The following MEGF8 variants were observed in gnomAD, a reference collection of about 807,000 sequenced individuals.
The protein encoded by MEGF8 is multiple epidermal growth factor-like domains protein 8.
A neutral mutation model predicts 302.9 loss-of-function variants in MEGF8; 156 were observed. The observed-to-expected ratio is 0.52, with a 90% CI of 0.45 to 0.59. MEGF8 has a LOEUF of 0.59. MEGF8 is among the 20% of genes least tolerant of loss of function. The pLI is 0.00. For missense variants in MEGF8, 3,345 were observed against 3,964.5 expected (o/e 0.84, Z 4.20); for synonymous variants, 1,621 against 1,660.5 (o/e 0.98, Z 0.58).
intron 8 of MEGF8, among the ~76,000 whole-genome samples, chr19:42,341,929 G>C (rs555222355): frequency 6.6e-6 from 1 of 152,182 alleles, no homozygotes; most frequent in African/African-American, 2.4e-5. Flanking sequence ...CTTCGGGGAC[G>C]TGTGGGCTTC....
intron 8 of MEGF8, among the ~76,000 whole-genome samples, chr19:42,337,843 G>A (rs562039199): frequency 7.3e-5 from 11 of 151,186 alleles, no homozygotes; most frequent in Non-Finnish European, 1.3e-4. Flanking sequence ...TCGCTCCGTC[G>A]CCCGGGCTAG....
rs1284840705 is a variant in MEGF8, at chr19:42,344,498, C to T, written c.1846C>T (p.Leu616=). ...GRLLGDCQAC[L]AFSSPTAPPR... ...CCTCCTGGGTGACTGCCAGGCCTGC[C>T]TGGCCTTCAGCAGCCCCACAGCCCC... Residue 616 remains leucine, a synonymous_variant, in exon 11 of 42, where the codon CTG becomes TTG. Transcript: ENST00000251268. This position sits in a 1 kb window ranked among gnomAD's most constrained non-coding sequence, Gnocchi z 4.5. 3.8e-6 allele frequency: 6 copies of T among 1,598,880 alleles called. No homozygotes were observed. The highest frequency in any genetic ancestry group is 5.1e-6 in the Non-Finnish European group (6 of 1,179,410).
rs772696463 is a variant in MEGF8 at position 42,350,211 on chromosome 19, C to T, written c.2563C>T (p.Leu855=). 2 of 1,613,686 alleles carry T rather than the reference C, an allele frequency of 1.2e-6. No individual in the cohort carries two copies. The highest frequency in any genetic ancestry group is 1.7e-6 in the Non-Finnish European group (2 of 1,179,880). ...GTCCTGCACCTCCTATTCTTCCTGC[C>T]TGGGCTGCTTGGCAGACCAGGGCTG... ...SSSCTSYSSC[L]GCLADQGCGW... is the part of the protein sequence containing the mutation. The change falls in exon 15 of 42, where the codon CTG becomes TTG. Residue 855 remains leucine, a synonymous_variant. Transcript: ENST00000251268.
chr19:42,327,307 GGT>G (rs2038997483), intron 1 of MEGF8, among the ~76,000 whole-genome samples: 1 of 152,186 alleles, frequency 6.6e-6, no homozygotes, highest in Non-Finnish European at 1.5e-5. Context: ...AGCAATCCCT[GGT>G]GACTTAGGTC....
chr19:42,334,082 C>T lies in MEGF8; in HGVS notation c.427C>T (p.Pro143Ser). Residue 143 changes from proline (P) to serine (S), a missense_variant, in exon 3 of 42, where the codon CCG (proline) becomes TCG (serine). Pro to Ser is a moderately conservative substitution (Grantham distance 74, BLOSUM62 -1). Coordinates refer to ENST00000251268, the MANE Select transcript of MEGF8 (RefSeq NM_001271938.2). ...FNASFRFSLC[P>S]GGCQSHGQCQ... ...CGCCTCATTCCGCTTCTCCCTGTGCCCGGGTGGCTGCCAGAGCCACGGGCA... is the reference window on the plus strand; with the variant it reads ...CGCCTCATTCCGCTTCTCCCTGTGCTCGGGTGGCTGCCAGAGCCACGGGCA... 1 of 1,613,654 alleles carries T rather than the reference C, an allele frequency of 6.2e-7. No individual in the cohort carries two copies. Among genetic ancestry groups the T allele is most frequent in the Non-Finnish European group, 8.5e-7 (1 of 1,179,852 alleles).
Position 42,357,401 on chromosome 19 carries a change from C to T in MEGF8, c.4831-3C>T. ...TCGGTGACCTTGCCCCTCCATCCCT[C>T]AGGCCCCCCAGACCGTGGAGCTGCC... On this transcript the variant is annotated splice_region_variant and splice_polypyrimidine_tract_variant and intron_variant, in intron 27 of 41. Coordinates refer to ENST00000251268, the MANE Select transcript of MEGF8 (RefSeq NM_001271938.2). This position sits in a 1 kb window ranked among gnomAD's most constrained non-coding sequence, Gnocchi z 5.2. 2 of 1,612,328 alleles carry T rather than the reference C, an allele frequency of 1.2e-6. No individual in the cohort carries two copies. Among genetic ancestry groups the T allele is most frequent in the African/African-American group, 2.7e-5 (2 of 75,026 alleles).
In MEGF8 at chr19:42,350,285, C is replaced by A. The variant is rs752623938; in HGVS notation, c.2637C>A (p.Ala879=). The A allele has an allele frequency of 1.2e-6, 2 of 1,610,532 alleles. No individual in the cohort carries two copies. Among genetic ancestry groups the A allele is most frequent in the South Asian group, 2.2e-5 (2 of 91,052 alleles). The change falls in exon 15 of 42, where the codon GCC becomes GCA. Residue 879 remains alanine (A), a synonymous_variant. Transcript: ENST00000251268. ...CCTGCCACCTGCGCCAGGGCGGAGC[C>A]CATTGCGGGGATGACGGGGCTGGTG... ...SATCHLRQGG[A]HCGDDGAGGS... is the part of the protein sequence containing the mutation.
Position 42,344,496 on chromosome 19 carries a change from G to C in MEGF8, c.1844G>C (p.Cys615Ser). ...CGCCTCCTGGGTGACTGCCAGGCCT[G>C]CCTGGCCTTCAGCAGCCCCACAGCC... is the stretch of plus-strand genomic sequence containing the variant. ...LGRLLGDCQA[C>S]LAFSSPTAPP... is the part of the protein sequence containing the mutation. The change falls in exon 11 of 42, where the codon TGC becomes TCC. Residue 615 changes from cysteine (C) to serine (S), a missense_variant. By Grantham distance (112) the Cys-to-Ser change is moderately radical. Transcript: ENST00000251268. This position sits in a 1 kb window ranked among gnomAD's most constrained non-coding sequence, Gnocchi z 4.5. The C allele has an allele frequency of 6.3e-7, 1 of 1,598,692 alleles. No individual in the cohort carries two copies. The highest frequency in any genetic ancestry group is 8.5e-7 in the Non-Finnish European group (1 of 1,179,370).
Position 42,363,250 on chromosome 19 carries a change from C to T in MEGF8, c.6261C>T (p.Ser2087=), listed in dbSNP as rs2039558834. The T allele has an allele frequency of 6.3e-7, 1 of 1,595,218 alleles. No individual in the cohort carries two copies. The highest frequency in any genetic ancestry group is 2.3e-5 in the East Asian group (1 of 44,032). Residue 2087 remains serine, a synonymous_variant, in exon 35 of 42, where the codon AGC becomes AGT. Coordinates refer to ENST00000251268, the MANE Select transcript of MEGF8 (RefSeq NM_001271938.2). ...DGGWQHCVWS[S]SLQQCLSPSY... ...GCTGGCAGCACTGTGTTTGGAGCAGCAGCCTGCAGCAGGTACTGCACCTGG... is the reference window on the plus strand; with the variant it reads ...GCTGGCAGCACTGTGTTTGGAGCAGTAGCCTGCAGCAGGTACTGCACCTGG...
chr19:42,360,936 G>A lies in MEGF8; in HGVS notation c.5650G>A (p.Glu1884Lys), dbSNP rs1157522431. 6.2e-7 allele frequency: 1 copy of A among 1,608,690 alleles called. No homozygotes were observed. Among genetic ancestry groups the A allele is most frequent in the South Asian group, 1.1e-5 (1 of 90,652 alleles). ...CCCCTGCCGCCTGCTGTCCTCACCTGAAGCTTGTAACCAGTCTGGGGCCTG... is the reference window on the plus strand; with the variant it reads ...CCCCTGCCGCCTGCTGTCCTCACCTAAAGCTTGTAACCAGTCTGGGGCCTG... ...PDPCRLLSSPEACNQSGACTW... is the reference protein window; with the variant it reads ...PDPCRLLSSPKACNQSGACTW... Residue 1884 changes from glutamate to lysine, a missense_variant, in exon 32 of 42, where the codon GAA becomes AAA. Glu to Lys is a moderately conservative substitution (Grantham distance 56). Coordinates refer to ENST00000251268, the MANE Select transcript of MEGF8 (RefSeq NM_001271938.2).
At position 42,357,026 on chromosome 19, in the gene MEGF8, C is replaced by A. The variant is rs751978019; in HGVS notation, c.4830+45C>A. Reference sequence around the variant, plus strand: ...CCACTCCCCAGCCCTCACACTGGGCCCTGACAGAGACAGCTGTGGTAGCTC... The same window carrying A: ...CCACTCCCCAGCCCTCACACTGGGCACTGACAGAGACAGCTGTGGTAGCTC... On this transcript the variant is annotated intron_variant, in intron 27 of 41. Transcript: ENST00000251268. The surrounding 1 kb of genome is among the most constrained non-coding windows in gnomAD (Gnocchi z 5.2). 2.0e-6 allele frequency: 3 copies of A among 1,503,976 alleles called. No homozygotes were observed. Among genetic ancestry groups the A allele is most frequent in the Non-Finnish European group, 1.8e-6 (2 of 1,115,386 alleles). 93.2% of individuals were successfully genotyped at this position (1,503,976 alleles called of 1,614,324 possible).
rs1199801761 is a variant in MEGF8, at chr19:42,360,345, GT to G, written c.5489-413del. Among the ~76,000 whole-genome samples the G allele has an allele frequency of 3.0e-3, 386 of 127,466 alleles. 1 individual carries two copies. Among genetic ancestry groups the G allele is most frequent in the Middle Eastern group, 8.1e-3 (2 of 248 alleles). 83.6% of individuals were successfully genotyped at this position (127,466 alleles called of 152,430 possible). On this transcript the variant is annotated intron_variant, in intron 31 of 41. Transcript: ENST00000251268. ...CATGTGTTTCCTCTCTGCTTCTGCT[GT>G]TTTTTTTTTTTTTTTTGGAGACATG...
In MEGF8 at chr19:42,352,464, A is replaced by C; in HGVS notation, c.3350+8A>C. 6.3e-7 allele frequency: 1 copy of C among 1,579,636 alleles called. No individual in the cohort carries two copies. Among genetic ancestry groups the C allele is most frequent in the Non-Finnish European group, 8.6e-7 (1 of 1,158,800 alleles). On this transcript the variant is annotated splice_region_variant and intron_variant, in intron 19 of 41. Transcript: ENST00000251268. This position sits in a 1 kb window ranked among gnomAD's most constrained non-coding sequence, Gnocchi z 4.4. ...CTCACACTGCAACCGCACGTGAGTG[A>C]GGCGGGGGTTGCTATGGAGATGTTG...
In MEGF8 at chr19:42,351,627, C is replaced by T. The variant is rs1188105646; in HGVS notation, c.2988-21C>T. On this transcript the variant is annotated intron_variant, in intron 17 of 41. Coordinates refer to ENST00000251268, the MANE Select transcript of MEGF8 (RefSeq NM_001271938.2). The surrounding 1 kb of genome is among the most constrained non-coding windows in gnomAD (Gnocchi z 5.6). ...CCGGCAAGGGGCTGGGGCTCTGACC[C>T]CCACCCCTGCCATCCTGCAGTGTAC... is the stretch of plus-strand genomic sequence containing the variant. 1 of 1,591,684 alleles carries T rather than the reference C, an allele frequency of 6.3e-7. No individual in the cohort carries two copies. Among genetic ancestry groups the T allele is most frequent in the East Asian group, 2.3e-5 (1 of 43,376 alleles).
Position 42,340,962 on chromosome 19 carries a change from C to G in MEGF8, c.1514-2515C>G, listed in dbSNP as rs570326695. 1.8e-3 allele frequency among the ~76,000 whole-genome samples: 267 copies of G among 152,254 alleles called. 2 individuals carry two copies. Among genetic ancestry groups the G allele is most frequent in the African/African-American group, 6.2e-3 (258 of 41,548 alleles). ...GGATTACAGGCATGAGCCACCACGC[C>G]CGGCCTATTGTTACTATTTTAGAGG... On this transcript the variant is annotated intron_variant, in intron 8 of 41. Coordinates refer to ENST00000251268, the MANE Select transcript of MEGF8 (RefSeq NM_001271938.2).
rs1380558638 is a variant in MEGF8, at chr19:42,356,763, C to T, written c.4623-11C>T. 6.5e-7 allele frequency: 1 copy of T among 1,537,818 alleles called. No individual in the cohort carries two copies. ...CTGTAATGAGGCTGCTTTTTTGCAC[C>T]CTGGCCCCAGGTACTCAGTGAGTGA... On this transcript the variant is annotated splice_polypyrimidine_tract_variant and intron_variant, in intron 26 of 41. Transcript: ENST00000251268. This position sits in a 1 kb window ranked among gnomAD's most constrained non-coding sequence, Gnocchi z 5.2.
rs760635447 is a variant in MEGF8 at position 42,336,051 on chromosome 19, C to T, written c.949C>T (p.His317Tyr). 4 of 1,582,606 alleles carry T rather than the reference C, an allele frequency of 2.5e-6. No individual in the cohort carries two copies. The highest frequency in any genetic ancestry group is 3.4e-6 in the Non-Finnish European group (4 of 1,168,286). Reference sequence around the variant, plus strand: ...GGCCTTCAGTCCACTGGGCAGGGGCCACTGGGAGCTCCTGGCACCACCTGC... The same window carrying T: ...GGCCTTCAGTCCACTGGGCAGGGGCTACTGGGAGCTCCTGGCACCACCTGC... ...VWAFSPLGRG[H>Y]WELLAPPASS... Residue 317 changes from histidine (H) to tyrosine (Y), a missense_variant, in exon 6 of 42, where the codon CAC becomes TAC. His to Tyr is a moderately conservative substitution (Grantham distance 83, BLOSUM62 2). Coordinates refer to ENST00000251268, the MANE Select transcript of MEGF8 (RefSeq NM_001271938.2). The surrounding 1 kb of genome is among the most constrained non-coding windows in gnomAD (Gnocchi z 4.8).
intron 23 of MEGF8, 25 bp from the exon 24 acceptor site, chr19:42,355,733 C>T (rs776376503): frequency 6.5e-7 from 1 of 1,541,840 alleles, no homozygotes; most frequent in Non-Finnish European, 8.8e-7. Context: ...ACTTTGCTAC[C>T]AGCCTCTGGC....
At position 42,336,954 on chromosome 19, in the gene MEGF8, TGAG is replaced by T. The variant is rs754440963; in HGVS notation, c.1390+7_1390+9del. ...TGGGCAATTACATGGTGGTCTATGG[TGAG>T]GAGGCTCCCCAATCCTGCCTGCCTG... On this transcript the variant is annotated splice_donor_5th_base_variant and intron_variant, in intron 7 of 41. Coordinates refer to ENST00000251268, the MANE Select transcript of MEGF8 (RefSeq NM_001271938.2). The surrounding 1 kb of genome is among the most constrained non-coding windows in gnomAD (Gnocchi z 4.8). 6.8e-6 allele frequency: 11 copies of T among 1,613,626 alleles called. No individual in the cohort carries two copies. Among genetic ancestry groups the T allele is most frequent in the Non-Finnish European group, 8.5e-6 (10 of 1,179,800 alleles).
Sources: allele counts gnomAD v4.1 joint callset (sites outside exome capture counted in the v4.1 genomes callset), GRCh38; gene constraint gnomAD v4.1.1; non-coding constraint Gnocchi (gnomAD v3.1); transcripts MANE v1.5; gene names NCBI Gene and HGNC (gene_info 2026-07-23, HGNC 2026-07-21).